The following EIF3B variants were observed in gnomAD, a reference collection of about 807,000 sequenced individuals.
The protein encoded by EIF3B is eukaryotic translation initiation factor 3 subunit B.
In EIF3B, 10 loss-of-function variants were observed where a neutral mutation model predicts 104.6. The ratio of observed to expected loss-of-function variants is 0.10; its 90% CI spans 0.06 to 0.16. The LOEUF is 0.16. EIF3B is among the 10% of genes least tolerant of loss of function. The pLI is 1.00. For synonymous variants in EIF3B, 542 were observed against 417.2 expected (o/e 1.30, Z -3.65); for missense variants, 1,014 against 1,087.9 (o/e 0.93, Z 0.96).
At chr7:2,367,424 T>A (rs1422588752) in intron 9 of EIF3B, among the ~76,000 whole-genome samples, 47 of 148,244 alleles carry the variant, frequency 3.2e-4, no homozygotes, top group Admixed American at 3.2e-3. Context: ...ACAGACGTGG[T>A]CCATTGCAGT....
chr7:2,370,354 G>A (rs1248446975), intron 10 of EIF3B, among the ~76,000 whole-genome samples: 2 of 151,920 alleles, frequency 1.3e-5, no homozygotes. Flanking sequence ...GGAGGCTCCT[G>A]TAGTCCCAGC....
chr7:2,379,371 A>T, intron 17 of EIF3B, 23 bp from the exon 18 acceptor site: 1 of 1,569,836 alleles, frequency 6.4e-7, no homozygotes, highest in Non-Finnish European at 8.7e-7. Context: ...CCCATGGGTG[A>T]TCTGCGCCCT....
At chr7:2,369,767 T>A in intron 10 of EIF3B, 85 bp downstream of exon 10, 1 of 25,860 alleles carries the variant, frequency 3.9e-5, no homozygotes, top group South Asian at 7.4e-4. Context: ...GTTAATGGAT[T>A]TTTTTTTTTT....
At chr7:2,359,518 C>G (rs919533096) in intron 1 of EIF3B, among the ~76,000 whole-genome samples, 2 of 152,222 alleles carry the variant, frequency 1.3e-5, no homozygotes, top group South Asian at 2.1e-4. Context: ...CAGGGAGGCT[C>G]TGCGCTTCTC....
rs750532933 is a variant in EIF3B, at chr7:2,371,815, G to A, written c.1653G>A (p.Glu551=). ...VTNFEIFRMR[E]KQVPVDVVEM... is the part of the protein sequence containing the mutation. Reference sequence around the variant, plus strand: ...ATTTTGAAATTTTCCGAATGAGGGAGAAACAGGTACCTGTGGATGTGGTCG... The same window carrying A: ...ATTTTGAAATTTTCCGAATGAGGGAAAAACAGGTACCTGTGGATGTGGTCG... The change falls in exon 11 of 19, where the codon GAG becomes GAA. Residue 551 remains glutamate (E), a synonymous_variant. Coordinates refer to ENST00000360876, the MANE Select transcript of EIF3B (RefSeq NM_001037283.2). The A allele has an allele frequency of 6.2e-7, 1 of 1,614,044 alleles. No individual in the cohort carries two copies. Among genetic ancestry groups the A allele is most frequent in the South Asian group, 1.1e-5 (1 of 91,064 alleles).
At chr7:2,369,897 T>C (rs138806399) in intron 10 of EIF3B, among the ~76,000 whole-genome samples, 2 of 144,666 alleles carry the variant, frequency 1.4e-5, no homozygotes, top group Non-Finnish European at 3.0e-5. Flanking sequence ...CTGCCTCAGC[T>C]TCCCAAGTAG....
chr7:2,365,386 G>T (rs1300081139), intron 6 of EIF3B, among the ~76,000 whole-genome samples: 2 of 151,654 alleles, frequency 1.3e-5, no homozygotes, highest in South Asian at 4.2e-4. Flanking sequence ...TGAGGCGAAC[G>T]GGGGCCACTC....
chr7:2,380,490 G>A lies in EIF3B; in HGVS notation c.*301G>A, dbSNP rs775268516. On this transcript the variant is annotated 3_prime_UTR_variant, in exon 19 of 19. Coordinates refer to ENST00000360876, the MANE Select transcript of EIF3B (RefSeq NM_001037283.2). ...TTGTTTGGAGTTTTCTGTTGGAACC[G>A]CCGGCGTTGGCTCCGAAGACTTAGC... is the stretch of plus-strand genomic sequence containing the variant. 2.1e-5 allele frequency: 10 copies of A among 484,094 alleles called. No homozygotes were observed. The highest frequency in any genetic ancestry group is 2.5e-5 in the Non-Finnish European group (6 of 242,688). The allele number at this position is 484,094 out of a possible 1,614,324, so 30.0% of individuals were successfully genotyped here. A position where few individuals can be genotyped will look rare whatever the true frequency, so the allele number is the denominator to read the frequency against.
chr7:2,375,330 G>T, intron 13 of EIF3B, 59 bp from the exon 14 acceptor site: 2 of 1,605,072 alleles, frequency 1.2e-6, no homozygotes, highest in Non-Finnish European at 1.7e-6. Context: ...CCTCTCAGGA[G>T]TGGGATGCCA....
In EIF3B at chr7:2,364,415, A is replaced by T. The variant is rs776107723; in HGVS notation, c.1043A>T (p.Tyr348Phe). The change falls in exon 6 of 19, where the codon TAC (tyrosine) becomes TTC (phenylalanine). Residue 348 changes from tyrosine to phenylalanine, a missense_variant. Around this residue, in one of 4 missense-constraint regions of EIF3B, gnomAD observed 201 missense variants for 240.7 expected, o/e 0.83. Coordinates refer to ENST00000360876, the MANE Select transcript of EIF3B (RefSeq NM_001037283.2). ...TYVRWSPKGTYLATFHQRGIA... is the reference protein window; with the variant it reads ...TYVRWSPKGTFLATFHQRGIA... ...GTGCGTTGGTCTCCTAAGGGCACCT[A>T]CCTGGCTACCTTTCATCAAAGAGGC... The T allele has an allele frequency of 1.9e-6, 3 of 1,612,956 alleles. No individual in the cohort carries two copies. Among genetic ancestry groups the T allele is most frequent in the Non-Finnish European group, 2.5e-6 (3 of 1,179,632 alleles).
At chr7:2,377,419 A>C (rs1298473548) in intron 15 of EIF3B, among the ~76,000 whole-genome samples, 2 of 152,240 alleles carry the variant, frequency 1.3e-5, no homozygotes, top group Non-Finnish European at 2.9e-5. Context: ...GGTCAGAGCA[A>C]AGAGGAGGGT....
At chr7:2,364,118 T>C (rs1779881681) in intron 5 of EIF3B, among the ~76,000 whole-genome samples, 1 of 152,076 alleles carries the variant, frequency 6.6e-6, no homozygotes, top group African/African-American at 2.4e-5. Flanking sequence ...AAAAATTAGC[T>C]GGGCATGGTG....
Position 2,372,853 on chromosome 7 carries a change from C to T in EIF3B, c.1810+58C>T, listed in dbSNP as rs544580693. The T allele has an allele frequency of 2.9e-4, 459 of 1,579,926 alleles. 1 individual carries two copies. Among genetic ancestry groups the T allele is most frequent in the Non-Finnish European group, 2.9e-4 (336 of 1,159,980 alleles). On this transcript the variant is annotated intron_variant, in intron 12 of 18. Transcript: ENST00000360876. The stretch of plus-strand genomic sequence containing the variant: ...AGGTCAGCACAGATGATGACCCAGT[C>T]GCTGCCCAACAGTGAGCATTTGACT...
intron 2 of EIF3B, among the ~76,000 whole-genome samples, chr7:2,362,292 A>G (rs1356208312): frequency 6.6e-6 from 1 of 152,160 alleles, no homozygotes; most frequent in African/African-American, 2.4e-5. Context: ...TATTGAGATA[A>G]TTGATATACA....
intron 1 of EIF3B, among the ~76,000 whole-genome samples, chr7:2,356,550 C>T (rs1363038300): frequency 6.6e-6 from 1 of 150,924 alleles, no homozygotes; most frequent in East Asian, 1.9e-4. Flanking sequence ...TTGCAGTGAG[C>T]CGAGATCCTG....
rs927045802 is a variant in EIF3B at position 2,355,063 on chromosome 7, A to T, written c.142A>T (p.Thr48Ser). Residue 48 changes from threonine to serine, a missense_variant, in exon 1 of 19, where the codon ACC becomes TCC. By Grantham distance (58) the Thr-to-Ser change is moderately conservative. Coordinates refer to ENST00000360876, the MANE Select transcript of EIF3B (RefSeq NM_001037283.2). ...AGPGAPEAAG[T>S]EASSEEVGIA... Reference sequence around the variant, plus strand: ...GCCCGGCGCTCCGGAGGCCGCGGGGACCGAGGCCTCCAGTGAGGAGGTGGG... The same window carrying T: ...GCCCGGCGCTCCGGAGGCCGCGGGGTCCGAGGCCTCCAGTGAGGAGGTGGG... The T allele has an allele frequency of 2.1e-5, 26 of 1,241,886 alleles. No individual in the cohort carries two copies. The African/African-American group carries it at 3.8e-4, about 18-fold the overall frequency. 76.9% of individuals were successfully genotyped at this position (1,241,886 alleles called of 1,614,324 possible).
intron 13 of EIF3B, 48 bp downstream of exon 13, chr7:2,374,654 C>T (rs762353676): frequency 1.4e-5 from 22 of 1,565,876 alleles, no homozygotes; most frequent in Non-Finnish European, 1.9e-5. Flanking sequence ...TAGCGCTCTG[C>T]TGTGGCAGAG....
chr7:2,368,367 A>G (rs977413799), intron 9 of EIF3B, among the ~76,000 whole-genome samples: 5 of 152,024 alleles, frequency 3.3e-5, no homozygotes, highest in Admixed American at 1.3e-4. Flanking sequence ...GCTGGTCTCG[A>G]ACTCCTGACC....
chr7:2,369,420 GT>G (rs1247626873), intron 9 of EIF3B, 51 bp from the exon 10 acceptor site: 1 of 1,579,958 alleles, frequency 6.3e-7, no homozygotes, highest in Non-Finnish European at 8.7e-7. Context: ...CTGCTTTTCA[GT>G]TTCGTCATCA....
Sources: allele counts gnomAD v4.1 joint callset (sites outside exome capture counted in the v4.1 genomes callset), GRCh38; gene constraint gnomAD v4.1.1; regional missense constraint gnomAD v4.1.1; transcripts MANE v1.5; gene names NCBI Gene and HGNC (gene_info 2026-07-23, HGNC 2026-07-21).